The following CRYM variants were observed in gnomAD, a reference collection of about 807,000 sequenced individuals.
CRYM encodes the protein ketimine reductase mu-crystallin.
In CRYM, 18 loss-of-function variants were observed where a neutral mutation model predicts 32.9. The ratio of observed to expected loss-of-function variants is 0.55; its 90% CI spans 0.38 to 0.81. The LOEUF is 0.81. CRYM is among the 30% of genes least tolerant of loss of function. CRYM has a pLI of 0.00. For synonymous variants in CRYM, 153 were observed against 152.4 expected (o/e 1.00, Z -0.03); for missense variants, 337 against 393.5 (o/e 0.86, Z 1.21).
chr16:21,302,685 C>G (rs1022129966), intron 1 of CRYM, among the ~76,000 whole-genome samples: 3 of 152,150 alleles, frequency 2.0e-5, no homozygotes, highest in Non-Finnish European at 4.4e-5. Context: ...CTAATTGGCT[C>G]TCAGGGAAGT....
At chr16:21,299,751 A>T (rs1014208502) in intron 1 of CRYM, among the ~76,000 whole-genome samples, 2 of 152,190 alleles carry the variant, frequency 1.3e-5, no homozygotes, top group African/African-American at 4.8e-5. Context: ...TAACTATATC[A>T]TGGATACCAA....
chr16:21,265,984 G>A (rs943925202), intron 5 of CRYM, among the ~76,000 whole-genome samples: 1 of 152,198 alleles, frequency 6.6e-6, no homozygotes, highest in African/African-American at 2.4e-5. Context: ...AGCACTTTGG[G>A]AGGCTGAGGC....
At chr16:21,299,532 A>G (rs1960857613) in intron 1 of CRYM, among the ~76,000 whole-genome samples, 2 of 151,978 alleles carry the variant, frequency 1.3e-5, no homozygotes, top group African/African-American at 4.8e-5. Context: ...CTGGTCCCAA[A>G]CTCCTGACCT....
chr16:21,264,360 A>C (rs2093360054), intron 5 of CRYM, among the ~76,000 whole-genome samples: 2 of 152,164 alleles, frequency 1.3e-5, no homozygotes, highest in Admixed American at 6.5e-5. Flanking sequence ...GCGAGTTCTC[A>C]AAGGGTTGTG....
chr16:21,297,739 T>A (rs1459957484), intron 1 of CRYM, among the ~76,000 whole-genome samples: 1 of 152,224 alleles, frequency 6.6e-6, no homozygotes, highest in East Asian at 1.9e-4. Context: ...TCCATTGACA[T>A]GTAATTACAG....
At chr16:21,275,469 G>T in intron 3 of CRYM, 63 bp downstream of exon 3, 1 of 1,444,302 alleles carries the variant, frequency 6.9e-7, no homozygotes, top group Non-Finnish European at 9.7e-7. Context: ...AGTCTCTCAA[G>T]ATTGAGACAC....
intron 5 of CRYM, 112 bp from the exon 6 acceptor site, chr16:21,262,270 A>C: frequency 1.5e-6 from 2 of 1,338,102 alleles, no homozygotes; most frequent in Non-Finnish European, 2.1e-6. Flanking sequence ...CTCAGATTCA[A>C]AATACCCCCT....
intron 3 of CRYM, among the ~76,000 whole-genome samples, chr16:21,272,156 C>A (rs1027174183): frequency 6.6e-6 from 1 of 152,092 alleles, no homozygotes; most frequent in Non-Finnish European, 1.5e-5. Context: ...AGCCACTGCA[C>A]CCAGCCGATT....
rs931608938 is a variant in CRYM at position 21,291,393 on chromosome 16, A to G, written c.-193+11585T>C. 3.3e-5 allele frequency among the ~76,000 whole-genome samples: 5 copies of G among 152,210 alleles called. No homozygotes were observed. The East Asian group carries it at 5.8e-4, about 18-fold the overall frequency. On this transcript the variant is annotated intron_variant, in intron 1 of 9. Transcript: ENST00000219599. ...CAGAGCTACTGGTAGTCAATTACTT[A>G]TTACATGTGAATAATTCTACCTACA...
intron 5 of CRYM, among the ~76,000 whole-genome samples, chr16:21,264,170 A>G (rs994567813): frequency 6.6e-6 from 1 of 152,136 alleles, no homozygotes; most frequent in East Asian, 1.9e-4. Context: ...ATTTCCAAAG[A>G]GAGTTGTGTA....
chr16:21,281,205 T>C (rs551407680), upstream of CRYM, among the ~76,000 whole-genome samples: 2 of 151,528 alleles, frequency 1.3e-5, no homozygotes, highest in South Asian at 4.2e-4. Flanking sequence ...TATAGATATG[T>C]ATATGTATCT....
At chr16:21,278,534 G>C (rs1037223584), upstream of CRYM, 35 of 544,402 alleles carry the variant, frequency 6.4e-5, no homozygotes, top group Non-Finnish European at 1.0e-4. Context: ...CACTTTCTCA[G>C]TTCCTGTAAT....
chr16:21,283,669 G>A (rs920282419), intron 1 of CRYM: 4 of 151,668 alleles, frequency 2.6e-5, no homozygotes, highest in African/African-American at 9.7e-5. Flanking sequence ...GCGCGGGGTG[G>A]GGCGGTGGGG....
At position 21,267,602 on chromosome 16, in the gene CRYM, C is replaced by T. The variant is rs1263662192; in HGVS notation, c.625G>A (p.Glu209Lys). ...ACCCATTCACCAAACAAAATGGGCT[C>T]TGTTGCCAGGGTGACTGTGATGATC... ...DVIITVTLAT[E>K]PILFGEWVKP... The change falls in exon 5 of 8, where the codon GAG becomes AAG. Residue 209 changes from glutamate to lysine, a missense_variant. Physicochemically the swap from Glu to Lys is moderately conservative, Grantham distance 56 (BLOSUM62 1). Coordinates refer to ENST00000572914, the MANE Select transcript of CRYM (RefSeq NM_001376256.1). 3 of 1,614,182 alleles carry T rather than the reference C, an allele frequency of 1.9e-6. No homozygotes were observed. Among genetic ancestry groups the T allele is most frequent in the East Asian group, 2.2e-5 (1 of 44,888 alleles).
chr16:21,263,756 G>A (rs921216600), intron 5 of CRYM, among the ~76,000 whole-genome samples: 4 of 152,208 alleles, frequency 2.6e-5, no homozygotes, highest in Non-Finnish European at 5.9e-5. Context: ...TGCAAGGCCA[G>A]GGAGGTAATG....
At chr16:21,267,764 T>C (rs367690201) in intron 4 of CRYM, 27 bp from the exon 5 acceptor site, 125 of 1,613,796 alleles carry the variant, frequency 7.7e-5, no homozygotes, top group African/African-American at 1.7e-4. Flanking sequence ...AAGAAGGATA[T>C]TGGCGCCATT....
chr16:21,292,986 G>A (rs1395624290), intron 1 of CRYM, among the ~76,000 whole-genome samples: 2 of 151,728 alleles, frequency 1.3e-5, no homozygotes, highest in African/African-American at 4.8e-5. Flanking sequence ...ATGGATGAAC[G>A]GATGGATGGA....
At chr16:21,301,379 G>A (rs967049326) in intron 1 of CRYM, 1 of 147,754 alleles carries the variant, frequency 6.8e-6, no homozygotes, top group African/African-American at 2.4e-5. Flanking sequence ...AGGGCGCATG[G>A]GACGAGGTGG....
chr16:21,302,846 C>G (rs1043122391), intron 1 of CRYM: 4 of 152,166 alleles, frequency 2.6e-5, no homozygotes, highest in Admixed American at 6.5e-5. Context: ...ACAGATATCT[C>G]AAGACAGAGA....
Sources: gnomAD v4.1 joint callset for allele counts (sites outside exome capture counted in the v4.1 genomes callset) on GRCh38, gnomAD v4.1.1 for gene constraint, MANE v1.5 for transcripts, NCBI Gene and HGNC (gene_info 2026-07-23, HGNC 2026-07-21) for gene names.